Variants in ATP8B1 observed in about 807,000 individuals in gnomAD.
The protein encoded by ATP8B1 is phospholipid-transporting ATPase IC.
ATP8B1 carries 80 observed loss-of-function variants against 149.9 expected under a neutral mutation model. The observed-to-expected ratio is 0.53, with a 90% CI of 0.45 to 0.64. The LOEUF is 0.64. Among genes scored for constraint, ATP8B1 ranks in the 30% least tolerant of loss-of-function variants. The pLI, the probability that ATP8B1 is intolerant of heterozygous loss-of-function variation, is 0.00. For missense variants in ATP8B1, 1,247 were observed against 1,552.6 expected, an observed-to-expected ratio of 0.80 and a Z score of 3.31; for synonymous variants, 536 against 562.8, an observed-to-expected ratio of 0.95 and a Z score of 0.67.
intron 15 of ATP8B1, among the ~76,000 whole-genome samples, chr18:57,678,591 A>C (rs1403451000): frequency 7.3e-6 from 1 of 137,288 alleles, no homozygotes; most frequent in African/African-American, 2.6e-5. Flanking sequence ...TATCTCAAAA[A>C]AAAAAAAAGA....
intron 1 of ATP8B1, among the ~76,000 whole-genome samples, chr18:57,777,438 A>G (rs1206020994): frequency 6.6e-6 from 1 of 152,234 alleles, no homozygotes; most frequent in Non-Finnish European, 1.5e-5. Flanking sequence ...AGAAACATGA[A>G]TATATATGTT....
intron 1 of ATP8B1, among the ~76,000 whole-genome samples, chr18:57,759,080 CG>C (rs1435047076): frequency 1.4e-5 from 2 of 144,962 alleles, no homozygotes; most frequent in African/African-American, 5.2e-5. Flanking sequence ...CGCTTGAACC[CG>C]GGAGGTGGAG....
chr18:57,737,267 A>T (rs201233301), intron 1 of ATP8B1, among the ~76,000 whole-genome samples: 6 of 151,404 alleles, frequency 4.0e-5, no homozygotes, highest in African/African-American at 1.5e-4. Flanking sequence ...CCCTACTTTT[A>T]TTTTTTTTTT....
intron 1 of ATP8B1, among the ~76,000 whole-genome samples, chr18:57,794,150 T>C (rs144326999): frequency 2.6e-5 from 4 of 152,230 alleles, no homozygotes; most frequent in African/African-American, 9.6e-5. Context: ...TGATGAGTTT[T>C]TGTGTGTTTT....
intron 4 of ATP8B1, 88 bp downstream of exon 4, chr18:57,704,467 C>A: frequency 1.1e-6 from 1 of 934,636 alleles, no homozygotes; most frequent in Non-Finnish European, 1.7e-6. Flanking sequence ...AAAACACTTT[C>A]AAGATTATTC....
intron 1 of ATP8B1, among the ~76,000 whole-genome samples, chr18:57,745,403 C>T (rs2079955286): frequency 1.3e-5 from 2 of 152,038 alleles, no homozygotes; most frequent in African/African-American, 4.8e-5. Context: ...TCCCAAGTAG[C>T]TGGGATTATA....
At chr18:57,684,980 G>A in intron 14 of ATP8B1, 92 bp downstream of exon 14, 1 of 1,508,636 alleles carries the variant, frequency 6.6e-7, no homozygotes, top group Non-Finnish European at 9.2e-7. Flanking sequence ...GGCAACGAAA[G>A]AGTCTTCCCT....
chr18:57,773,547 T>C (rs561101991), intron 1 of ATP8B1, among the ~76,000 whole-genome samples: 3 of 152,318 alleles, frequency 2.0e-5, no homozygotes, highest in East Asian at 1.9e-4. Context: ...TACGCACTTA[T>C]TAGCATTTTA....
At chr18:57,683,939 T>C (rs1438128379) in intron 15 of ATP8B1, 97 bp downstream of exon 15, 5 of 1,449,900 alleles carry the variant, frequency 3.4e-6, no homozygotes, top group Non-Finnish European at 4.8e-6. Context: ...TGAGACAGAT[T>C]TGTGTACTAC....
At chr18:57,670,770 G>A (rs12963127) in intron 17 of ATP8B1, among the ~76,000 whole-genome samples, 13,987 of 152,074 alleles carry the variant, frequency 0.092, 708 homozygotes, top group Middle Eastern at 0.14. Context: ...GCAATGGTAC[G>A]ATCTCGGCTC....
intron 2 of ATP8B1, among the ~76,000 whole-genome samples, chr18:57,714,986 A>G (rs1037985194): frequency 2.0e-5 from 3 of 152,230 alleles, no homozygotes; most frequent in African/African-American, 4.8e-5. Flanking sequence ...AAACAAAACT[A>G]TATGACCTTT....
intron 2 of ATP8B1, among the ~76,000 whole-genome samples, chr18:57,722,264 A>G (rs2079654642): frequency 6.7e-6 from 1 of 148,556 alleles, no homozygotes; most frequent in African/African-American, 2.4e-5. Flanking sequence ...GAACTGAAGG[A>G]AATAGAGACA....
intron 23 of ATP8B1, among the ~76,000 whole-genome samples, chr18:57,654,647 G>GA (rs1317090641): frequency 6.7e-6 from 1 of 149,342 alleles, no homozygotes; most frequent in Non-Finnish European, 1.5e-5. Flanking sequence ...ATGTCAACAT[G>GA]AAAAAATAAC....
intron 1 of ATP8B1, among the ~76,000 whole-genome samples, chr18:57,770,142 C>T (rs2080252234): frequency 6.7e-6 from 1 of 150,104 alleles, no homozygotes; most frequent in Non-Finnish European, 1.5e-5. Flanking sequence ...GATCTCAGCT[C>T]ACTGCAACCT....
At position 57,688,424 on chromosome 18, in the gene ATP8B1, T is replaced by G. The variant is rs181158716; in HGVS notation, c.1304A>C (p.Lys435Thr). 1 of 1,614,160 alleles carries G rather than the reference T, an allele frequency of 6.2e-7. No individual in the cohort carries two copies. Among genetic ancestry groups the G allele is most frequent in the Non-Finnish European group, 8.5e-7 (1 of 1,180,026 alleles). ...MYYAEKDTPA[K>T]ARTTTLNEQL... The stretch of plus-strand genomic sequence containing the variant: ...TTCATTGAGTGTGGTGGTTCTAGCT[T>G]TTGCGGGTGTGTCCTTCTCAGCATA... Residue 435 changes from lysine (K) to threonine (T), a missense_variant, in exon 13 of 28, where the codon AAA (lysine) becomes ACA (threonine). Physicochemically the swap from Lys to Thr is moderately conservative, Grantham distance 78. Transcript: ENST00000648908.
chr18:57,728,073 A>G (rs2079726282), intron 2 of ATP8B1, among the ~76,000 whole-genome samples: 1 of 152,198 alleles, frequency 6.6e-6, no homozygotes, highest in South Asian at 2.1e-4. Context: ...TTCTAGTGAA[A>G]AGTACTCTGA....
At chr18:57,779,306 C>A (rs913915981) in intron 1 of ATP8B1, among the ~76,000 whole-genome samples, 4 of 148,960 alleles carry the variant, frequency 2.7e-5, no homozygotes, top group African/African-American at 9.9e-5. Context: ...CAGAGTGATA[C>A]CCTCCCTCAG....
At chr18:57,771,619 T>C (rs1213513817) in intron 1 of ATP8B1, among the ~76,000 whole-genome samples, 1 of 152,184 alleles carries the variant, frequency 6.6e-6, no homozygotes, top group South Asian at 2.1e-4. Flanking sequence ...TTTTGATTCA[T>C]TCAGGCCACA....
intron 22 of ATP8B1, among the ~76,000 whole-genome samples, chr18:57,660,390 T>A (rs1910313084): frequency 6.6e-6 from 1 of 152,186 alleles, no homozygotes; most frequent in Non-Finnish European, 1.5e-5. Context: ...TCCCACAGAT[T>A]TACCAAAGGT....
Sources: allele counts gnomAD v4.1 joint callset (sites outside exome capture counted in the v4.1 genomes callset), GRCh38; gene constraint gnomAD v4.1.1; transcripts MANE v1.5; gene names NCBI Gene and HGNC (gene_info 2026-07-23, HGNC 2026-07-21).